NEGR1: variants seen among roughly 807,000 people sequenced by gnomAD.
NEGR1 encodes IgLON family member 4.
NEGR1 carries 10 observed loss-of-function variants against 40.9 expected under a neutral mutation model. That is an observed-to-expected ratio of 0.24 (90% CI 0.15 to 0.42). The LOEUF (loss-of-function observed/expected upper bound fraction) is 0.42, where lower values mean the gene tolerates loss of function less well. NEGR1 is among the 10% of genes least tolerant of loss of function. The pLI, the probability that NEGR1 is intolerant of heterozygous loss-of-function variation, is 1.00. For missense variants in NEGR1, 352 were observed against 438.9 expected (o/e 0.80, Z 1.77); for synonymous variants, 185 against 166.8 (o/e 1.11, Z -0.84).
In NEGR1 at chr1:72,017,123, T is replaced by C. The variant is rs545760116; in HGVS notation, c.177-81812A>G. Among the ~76,000 whole-genome samples the C allele has an allele frequency of 2.3e-3, 302 of 132,588 alleles. 4 individuals carry two copies. The highest frequency in any genetic ancestry group is 9.1e-3 in the African/African-American group (291 of 31,948). The allele number at this position is 132,588 out of a possible 152,430, so 87.0% of individuals were successfully genotyped here. Reference sequence around the variant, plus strand: ...AATAATACACACATATATATACACATATATGTGTGTGTGTGTGTGTGTGTG... The same window carrying C: ...AATAATACACACATATATATACACACATATGTGTGTGTGTGTGTGTGTGTG... On this transcript the variant is annotated intron_variant, in intron 1 of 6. Transcript: ENST00000357731.
chr1:71,785,836 T>C (rs985036070), intron 2 of NEGR1, among the ~76,000 whole-genome samples: 1 of 152,194 alleles, frequency 6.6e-6, no homozygotes, highest in Non-Finnish European at 1.5e-5. Flanking sequence ...AGAGTTATAA[T>C]GTAACACCTG....
At chr1:71,714,858 T>C (rs1222346984) in intron 3 of NEGR1, among the ~76,000 whole-genome samples, 1 of 152,158 alleles carries the variant, frequency 6.6e-6, no homozygotes, top group African/African-American at 2.4e-5. Flanking sequence ...AAGCTGTTGG[T>C]GGATCTACCA....
chr1:71,474,717 C>CAAAA (rs56219737), intron 6 of NEGR1, among the ~76,000 whole-genome samples: 75 of 85,948 alleles, frequency 8.7e-4, no homozygotes, highest in Admixed American at 1.1e-3. Flanking sequence ...GACTCTATCT[C>CAAAA]AAAAAAAAAA....
At chr1:71,746,031 T>C (rs1429429974) in intron 3 of NEGR1, among the ~76,000 whole-genome samples, 1 of 152,196 alleles carries the variant, frequency 6.6e-6, no homozygotes, top group Non-Finnish European at 1.5e-5. Flanking sequence ...CATTAGATCA[T>C]TCCCTTTCTA....
intron 2 of NEGR1, among the ~76,000 whole-genome samples, chr1:71,830,093 C>A (rs1277552866): frequency 3.3e-5 from 5 of 151,976 alleles, no homozygotes; most frequent in East Asian, 3.9e-4. Context: ...GACTCTGGGG[C>A]CCCTATAGAT....
At chr1:72,000,868 G>T (rs553219788) in intron 1 of NEGR1, among the ~76,000 whole-genome samples, 2 of 152,016 alleles carry the variant, frequency 1.3e-5, no homozygotes, top group Non-Finnish European at 2.9e-5. Context: ...AGTTCGGGTG[G>T]GTCCTTGGAT....
At chr1:71,486,947 A>G (rs1646891601) in intron 6 of NEGR1, 1 of 151,604 alleles carries the variant, frequency 6.6e-6, no homozygotes, top group African/African-American at 2.4e-5. Flanking sequence ...ACACTGATCA[A>G]GCAGAGAACT....
In NEGR1 at chr1:72,261,489, G is replaced by T. The variant is rs539841070; in HGVS notation, c.176+20830C>A. 3.4e-3 allele frequency among the ~76,000 whole-genome samples: 520 copies of T among 152,030 alleles called. 4 individuals carry two copies. The highest frequency in any genetic ancestry group is 0.012 in the African/African-American group (502 of 41,478). On this transcript the variant is annotated intron_variant, in intron 1 of 6. Coordinates refer to ENST00000357731, the MANE Select transcript of NEGR1 (RefSeq NM_173808.3). ...ATATATTTGTTAACACTATAGATTT[G>T]CCAAAATGGATATTTAACATTGTCA...
At chr1:71,779,838 G>T (rs984819876) in intron 2 of NEGR1, among the ~76,000 whole-genome samples, 2 of 151,926 alleles carry the variant, frequency 1.3e-5, no homozygotes, top group Non-Finnish European at 2.9e-5. Context: ...CAAAGTGCTG[G>T]GTTTACAGGA....
intron 4 of NEGR1, among the ~76,000 whole-genome samples, chr1:71,640,651 T>C (rs1201646843): frequency 6.6e-6 from 1 of 151,988 alleles, no homozygotes; most frequent in Non-Finnish European, 1.5e-5. Context: ...GGAAATTATC[T>C]CAACAGCTGA....
chr1:71,737,157 T>C (rs141883267), intron 3 of NEGR1, among the ~76,000 whole-genome samples: 267 of 152,262 alleles, frequency 1.8e-3, no homozygotes, highest in African/African-American at 6.3e-3. Context: ...TTAAAAGAAA[T>C]CCTTTTGATT....
At chr1:72,021,543 G>A (rs1646756643) in intron 1 of NEGR1, among the ~76,000 whole-genome samples, 1 of 151,698 alleles carries the variant, frequency 6.6e-6, no homozygotes. Flanking sequence ...ACCATATTGT[G>A]AATGAAAAAA....
At chr1:72,249,364 G>A (rs2100527658) in intron 1 of NEGR1, among the ~76,000 whole-genome samples, 1 of 152,242 alleles carries the variant, frequency 6.6e-6, no homozygotes, top group Non-Finnish European at 1.5e-5. Flanking sequence ...CAGCACAGAT[G>A]GGCTAAAATA....
At chr1:71,687,376 A>G (rs142487273) in intron 4 of NEGR1, among the ~76,000 whole-genome samples, 3,031 of 152,314 alleles carry the variant, frequency 0.02, 90 homozygotes, top group Admixed American at 0.068. Flanking sequence ...TATGAAATAC[A>G]TAAGTGTTTA....
intron 6 of NEGR1, among the ~76,000 whole-genome samples, chr1:71,559,375 C>T (rs950222873): frequency 1.8e-4 from 28 of 151,418 alleles, no homozygotes; most frequent in African/African-American, 6.8e-4. Context: ...CTTAGATCAG[C>T]TCCTTTCTTC....
chr1:71,491,335 G>A (rs146732954), intron 6 of NEGR1, among the ~76,000 whole-genome samples: 2 of 151,958 alleles, frequency 1.3e-5, no homozygotes, highest in Non-Finnish European at 2.9e-5. Context: ...ATCCAAGGGA[G>A]GTCTGAGAAC....
chr1:72,014,642 A>G (rs932281981), intron 1 of NEGR1, among the ~76,000 whole-genome samples: 5 of 152,086 alleles, frequency 3.3e-5, no homozygotes, highest in Non-Finnish European at 7.4e-5. Flanking sequence ...AAATAACAAT[A>G]TTATATTCAT....
chr1:71,507,787 C>T (rs1647045419), intron 6 of NEGR1, among the ~76,000 whole-genome samples: 1 of 152,158 alleles, frequency 6.6e-6, no homozygotes, highest in Non-Finnish European at 1.5e-5. Flanking sequence ...AAAAGGTTTA[C>T]AAATTAGATG....
At chr1:71,533,278 C>T (rs1647411111) in intron 6 of NEGR1, among the ~76,000 whole-genome samples, 1 of 151,566 alleles carries the variant, frequency 6.6e-6, no homozygotes, top group Non-Finnish European at 1.5e-5. Flanking sequence ...AGAATGTCTT[C>T]CTCTTAGAGG....
Sources: gnomAD v4.1 joint callset for allele counts (sites outside exome capture counted in the v4.1 genomes callset) on GRCh38, gnomAD v4.1.1 for gene constraint, MANE v1.5 for transcripts, NCBI Gene and HGNC (gene_info 2026-07-23, HGNC 2026-07-21) for gene names.